Variants in GLI3 observed in about 807,000 individuals in gnomAD.
The protein encoded by GLI3 is GLI family zinc finger 3, also known as transcription activator GLI3.
GLI3 carries 20 observed loss-of-function variants against 100.8 expected under a neutral mutation model. The ratio of observed to expected loss-of-function variants is 0.20; its 90% confidence interval spans 0.14 to 0.29. GLI3 has a LOEUF of 0.29. Ranked by LOEUF, GLI3 falls within the 10% of genes least tolerant of loss-of-function variation. The pLI is 1.00. For missense variants in GLI3, 2,040 were observed against 2,128.5 expected, an observed-to-expected ratio of 0.96 and a Z score of 0.82; for synonymous variants, 938 against 860.5, an observed-to-expected ratio of 1.09 and a Z score of -1.58.
chr7:42,204,835 C>T (rs1788117267), intron 2 of GLI3, among the ~76,000 whole-genome samples: 1 of 152,120 alleles, frequency 6.6e-6, no homozygotes, highest in Admixed American at 6.5e-5. Context: ...TGCACGACTT[C>T]CCCGAGACTC....
At position 42,025,517 on chromosome 7, in the gene GLI3, G is replaced by C. The variant is rs983751734; in HGVS notation, c.1243-140C>G. On this transcript the variant is annotated intron_variant, in intron 8 of 14. Coordinates refer to ENST00000395925, the MANE Select transcript of GLI3 (RefSeq NM_000168.6). ...TGACTCTGATAATTCTCCAATCCCA[G>C]TGTAAGCAGAGTTCAGATAGTATGT... 5 of 708,250 alleles carry C rather than the reference G, an allele frequency of 7.1e-6. No individual in the cohort carries two copies. In the East Asian group the frequency reaches 1.3e-4, roughly 19 times the overall value. 43.9% of individuals were successfully genotyped at this position (708,250 alleles called of 1,614,324 possible).
chr7:42,169,088 T>A (rs533467725), intron 2 of GLI3, among the ~76,000 whole-genome samples: 1 of 152,220 alleles, frequency 6.6e-6, no homozygotes, highest in Admixed American at 6.5e-5. Context: ...ATGTGTCCTT[T>A]TCTACATGCA....
intron 2 of GLI3, among the ~76,000 whole-genome samples, chr7:42,182,339 G>A (rs1403335106): frequency 6.6e-6 from 1 of 151,812 alleles, no homozygotes; most frequent in Admixed American, 6.6e-5. Flanking sequence ...GGGAAAAAAT[G>A]GAAATGAAAA....
chr7:42,259,795 T>C (rs1789121033), intron 1 of GLI3, among the ~76,000 whole-genome samples: 1 of 152,212 alleles, frequency 6.6e-6, no homozygotes, highest in Non-Finnish European at 1.5e-5. Context: ...ATCAATAGCA[T>C]ATATAGTGCC....
chr7:42,076,661 C>T (rs1425553298), intron 4 of GLI3, 91 bp downstream of exon 4: 2 of 823,204 alleles, frequency 2.4e-6, no homozygotes, highest in African/African-American at 1.7e-5. Context: ...ATCTTCAAAG[C>T]CCAGTGGACA....
At chr7:42,144,429 C>T (rs1053157729) in intron 3 of GLI3, among the ~76,000 whole-genome samples, 4 of 152,162 alleles carry the variant, frequency 2.6e-5, no homozygotes, top group Non-Finnish European at 5.9e-5. Flanking sequence ...ATATACAGCC[C>T]GTCCACTGCG....
At chr7:42,182,717 T>TACAC (rs66997611) in intron 2 of GLI3, among the ~76,000 whole-genome samples, 20,154 of 118,490 alleles carry the variant, frequency 0.17, 2,071 homozygotes, top group Non-Finnish European at 0.22. Context: ...CACATATAAA[T>TACAC]ACACACACAC....
chr7:41,989,294 A>T (rs956928787), intron 10 of GLI3, among the ~76,000 whole-genome samples: 5 of 152,254 alleles, frequency 3.3e-5, no homozygotes, highest in Admixed American at 2.0e-4. Context: ...CCATTCTCCA[A>T]AGAGGCACCT....
At chr7:42,047,396 C>A (rs930510660) in intron 5 of GLI3, among the ~76,000 whole-genome samples, 1 of 152,162 alleles carries the variant, frequency 6.6e-6, no homozygotes, top group Non-Finnish European at 1.5e-5. Context: ...GTGGATAGGG[C>A]ATGGAAGTCG....
intron 2 of GLI3, among the ~76,000 whole-genome samples, chr7:42,217,163 T>C (rs1030659408): frequency 4.6e-5 from 7 of 152,178 alleles, no homozygotes; most frequent in Admixed American, 3.9e-4. Context: ...GTACAGTAGG[T>C]TGGCCTGAAG....
intron 1 of GLI3, among the ~76,000 whole-genome samples, chr7:42,256,471 T>C (rs2128711190): frequency 6.6e-6 from 1 of 152,342 alleles, no homozygotes; most frequent in East Asian, 1.9e-4. Context: ...TGATGTGAGA[T>C]GAGGGTCTGA....
At chr7:42,053,926 T>C (rs570717955) in intron 4 of GLI3, among the ~76,000 whole-genome samples, 1 of 152,326 alleles carries the variant, frequency 6.6e-6, no homozygotes, top group African/African-American at 2.4e-5. Flanking sequence ...TTGTTGGGAC[T>C]ACAGGGCACA....
chr7:42,058,950 G>T (rs1408199223), intron 4 of GLI3, among the ~76,000 whole-genome samples: 1 of 152,146 alleles, frequency 6.6e-6, no homozygotes, highest in Non-Finnish European at 1.5e-5. Context: ...AACATGCAAT[G>T]CACTGTTATT....
At chr7:42,038,753 T>C (rs895159539) in intron 7 of GLI3, among the ~76,000 whole-genome samples, 1 of 152,202 alleles carries the variant, frequency 6.6e-6, no homozygotes. Context: ...CTGAAGAACA[T>C]TGCTGATAAT....
intron 7 of GLI3, among the ~76,000 whole-genome samples, chr7:42,038,752 A>G (rs1033602888): frequency 7.2e-5 from 11 of 152,240 alleles, no homozygotes; most frequent in Admixed American, 3.9e-4. Flanking sequence ...ACTGAAGAAC[A>G]TTGCTGATAA....
rs769821836 is a variant in GLI3, at chr7:42,048,721, A to G, written c.474-25T>C. 49 of 1,479,938 alleles carry G rather than the reference A, an allele frequency of 3.3e-5. 1 individual carries two copies. In the South Asian group the frequency reaches 5.5e-4, roughly 17 times the overall value. 91.7% of individuals were successfully genotyped at this position (1,479,938 alleles called of 1,614,324 possible). A position where few individuals can be genotyped will look rare whatever the true frequency, so the allele number is the denominator to read the frequency against. ...CCTGGGTACAAAGAAAACCAGATAC[A>G]AGGGGTATGCATGAGACAAATATCT... On this transcript the variant is annotated intron_variant, in intron 4 of 14. Coordinates refer to ENST00000395925, the MANE Select transcript of GLI3 (RefSeq NM_000168.6).
intron 2 of GLI3, among the ~76,000 whole-genome samples, chr7:42,186,129 T>A (rs1181229683): frequency 1.3e-5 from 2 of 152,330 alleles, no homozygotes; most frequent in East Asian, 3.9e-4. Context: ...CAGAAGCTGG[T>A]GTCTAAAACG....
At chr7:42,154,668 T>A (rs1251472656) in intron 2 of GLI3, among the ~76,000 whole-genome samples, 1 of 152,164 alleles carries the variant, frequency 6.6e-6, no homozygotes, top group Middle Eastern at 3.2e-3. Context: ...GAGAAGAGGC[T>A]AAGTATATTC....
At chr7:41,995,495 C>T (rs1186176544) in intron 10 of GLI3, among the ~76,000 whole-genome samples, 1 of 152,064 alleles carries the variant, frequency 6.6e-6, no homozygotes. Context: ...CAGAGGGGTT[C>T]AGAAGCTTAC....
Sources: gnomAD v4.1 joint callset for allele counts (sites outside exome capture counted in the v4.1 genomes callset) on GRCh38, gnomAD v4.1.1 for gene constraint, MANE v1.5 for transcripts, NCBI Gene and HGNC (gene_info 2026-07-23, HGNC 2026-07-21) for gene names.